CREBL2: variants seen among roughly 807,000 people sequenced by gnomAD.
The protein encoded by CREBL2 is cAMP-responsive element-binding protein-like 2.
Under a neutral mutation model 19.5 loss-of-function variants are expected in CREBL2, and 4 were observed. The observed-to-expected ratio is 0.20, with a 90% CI of 0.10 to 0.47. The LOEUF is 0.47. Ranked by LOEUF, CREBL2 falls within the 20% of genes least tolerant of loss-of-function variation. The probability of loss-of-function intolerance (pLI) is 0.98; values close to 1 mark genes in which losing one functional copy is unlikely to be tolerated. For synonymous variants in CREBL2, 42 were observed against 46.6 expected (o/e 0.90, Z 0.40); for missense variants, 85 against 145.1 (o/e 0.59, Z 2.13).
chr12:12,627,614 C>A (rs539154457), intron 1 of CREBL2, among the ~76,000 whole-genome samples: 5 of 152,270 alleles, frequency 3.3e-5, no homozygotes, highest in Admixed American at 3.3e-4. Flanking sequence ...TTTTTGTTAT[C>A]TATTCATCAG....
intron 1 of CREBL2, among the ~76,000 whole-genome samples, chr12:12,633,074 T>G (rs1040169008): frequency 1.3e-5 from 2 of 150,470 alleles, no homozygotes; most frequent in Non-Finnish European, 3.0e-5. Flanking sequence ...GTAGCTGGGA[T>G]TACAGGTGCC....
At chr12:12,615,199 G>C (rs1945300822) in intron 1 of CREBL2, among the ~76,000 whole-genome samples, 1 of 151,888 alleles carries the variant, frequency 6.6e-6, no homozygotes. Flanking sequence ...ATTTTTCTTA[G>C]AGATAGGGTT....
intron 1 of CREBL2, among the ~76,000 whole-genome samples, chr12:12,634,433 A>G (rs1321011677): frequency 6.6e-6 from 1 of 152,194 alleles, no homozygotes; most frequent in Non-Finnish European, 1.5e-5. Context: ...ATCTACTGAG[A>G]CAGTTGAGGC....
chr12:12,621,514 G>A (rs1945359447), intron 1 of CREBL2, among the ~76,000 whole-genome samples: 1 of 126,372 alleles, frequency 7.9e-6, no homozygotes, highest in Non-Finnish European at 1.6e-5. Context: ...GCAAAACTCC[G>A]TCTCAAACCA....
chr12:12,630,888 C>T (rs1945438295), intron 1 of CREBL2, among the ~76,000 whole-genome samples: 1 of 152,194 alleles, frequency 6.6e-6, no homozygotes, highest in Non-Finnish European at 1.5e-5. Context: ...TAATTTCTCT[C>T]ATAATCACAA....
At chr12:12,640,227 C>T (rs1474639208) in intron 3 of CREBL2, among the ~76,000 whole-genome samples, 1 of 152,178 alleles carries the variant, frequency 6.6e-6, no homozygotes, top group African/African-American at 2.4e-5. Flanking sequence ...GTCCTTATCT[C>T]AACTGCACAA....
At chr12:12,614,138 C>T (rs910249602) in intron 1 of CREBL2, among the ~76,000 whole-genome samples, 3 of 151,320 alleles carry the variant, frequency 2.0e-5, no homozygotes, top group African/African-American at 4.9e-5. Flanking sequence ...GGACTACAGG[C>T]GTGTGCCACC....
intron 1 of CREBL2, among the ~76,000 whole-genome samples, chr12:12,623,834 GGCC>G (rs1433955074): frequency 1.3e-5 from 2 of 152,208 alleles, no homozygotes; most frequent in African/African-American, 4.8e-5. Flanking sequence ...TATGTGGATG[GGCC>G]GTAAATCCAG....
intron 1 of CREBL2, among the ~76,000 whole-genome samples, chr12:12,625,647 C>T (rs556640994): frequency 6.6e-6 from 1 of 152,226 alleles, no homozygotes; most frequent in South Asian, 2.1e-4. Flanking sequence ...GGGTTCTAGT[C>T]CTTGCTCTGA....
At chr12:12,624,871 G>A (rs1014161821) in intron 1 of CREBL2, among the ~76,000 whole-genome samples, 2 of 152,192 alleles carry the variant, frequency 1.3e-5, no homozygotes, top group Admixed American at 6.5e-5. Context: ...TGAATTGAAG[G>A]ATGGTGAATG....
chr12:12,618,787 G>A (rs529069118), intron 1 of CREBL2, among the ~76,000 whole-genome samples: 2 of 152,340 alleles, frequency 1.3e-5, no homozygotes, highest in South Asian at 2.1e-4. Flanking sequence ...CCGGCACCTC[G>A]GGAGGCCCAG....
chr12:12,639,675 C>T (rs1592243027), intron 3 of CREBL2, among the ~76,000 whole-genome samples: 1 of 152,078 alleles, frequency 6.6e-6, no homozygotes, highest in Non-Finnish European at 1.5e-5. Context: ...ATTGGGGGAA[C>T]CTGCCCCCAA....
At chr12:12,620,421 A>G (rs1287647928) in intron 1 of CREBL2, among the ~76,000 whole-genome samples, 1 of 151,928 alleles carries the variant, frequency 6.6e-6, no homozygotes, top group African/African-American at 2.4e-5. Flanking sequence ...TTTTTTGTAG[A>G]GACAGCCTGT....
chr12:12,636,216 G>A (rs1201548953), intron 2 of CREBL2, among the ~76,000 whole-genome samples: 1 of 151,870 alleles, frequency 6.6e-6, no homozygotes, highest in South Asian at 2.1e-4. Context: ...TAACCCAGAT[G>A]GACAATAATA....
rs930013806 is a variant in CREBL2 at position 12,635,816 on chromosome 12, C to T, written c.55C>T (p.Arg19Trp). Residue 19 changes from arginine (R) to tryptophan (W), a missense_variant, in exon 2 of 4, where the codon CGG becomes TGG. Transcript: ENST00000228865. Reference sequence around the variant, plus strand: ...AGTAAAGAAGCCCGGTAAACGTGGTCGGAAGCCAGCCAAAATTGACTTGAA... The same window carrying T: ...AGTAAAGAAGCCCGGTAAACGTGGTTGGAAGCCAGCCAAAATTGACTTGAA... ...GKVKKPGKRG[R>W]KPAKIDLKAK... is the part of the protein sequence containing the mutation. The T allele has an allele frequency of 6.2e-7, 1 of 1,613,090 alleles. No individual in the cohort carries two copies. The highest frequency in any genetic ancestry group is 1.3e-5 in the African/African-American group (1 of 74,896).
chr12:12,641,226 T>TTTATTA (rs1193355722), intron 3 of CREBL2, among the ~76,000 whole-genome samples: 80 of 120,914 alleles, frequency 6.6e-4, no homozygotes, highest in African/African-American at 8.1e-4. Context: ...GTCACAAACC[T>TTTATTA]TTATTATTAT....
At chr12:12,618,256 C>A (rs932035695) in intron 1 of CREBL2, among the ~76,000 whole-genome samples, 40 of 145,378 alleles carry the variant, frequency 2.8e-4, no homozygotes, top group African/African-American at 1.1e-3. Flanking sequence ...CGGGCGGAGA[C>A]GCTCCTCACT....
intron 1 of CREBL2, among the ~76,000 whole-genome samples, chr12:12,615,063 T>G (rs907181902): frequency 6.6e-6 from 1 of 152,132 alleles, no homozygotes; most frequent in African/African-American, 2.4e-5. Context: ...TCGCCCAGGC[T>G]TGATGCAGTG....
intron 1 of CREBL2, among the ~76,000 whole-genome samples, chr12:12,622,112 T>G (rs1470425862): frequency 6.6e-6 from 1 of 152,228 alleles, no homozygotes; most frequent in Non-Finnish European, 1.5e-5. Flanking sequence ...ATTGGGTGTG[T>G]TAATAAGGAC....
Sources: gnomAD v4.1 joint callset for allele counts (sites outside exome capture counted in the v4.1 genomes callset) on GRCh38, gnomAD v4.1.1 for gene constraint, MANE v1.5 for transcripts, NCBI Gene and HGNC (gene_info 2026-07-23, HGNC 2026-07-21) for gene names.